Variants in L3MBTL4 observed in about 807,000 individuals in gnomAD.
The protein encoded by L3MBTL4 is lethal(3)malignant brain tumor-like protein 4.
A neutral mutation model predicts 84.5 loss-of-function variants in L3MBTL4; 70 were observed. That is an observed-to-expected ratio of 0.83 (90% CI 0.68 to 1.01). L3MBTL4 has a LOEUF of 1.01. L3MBTL4 is among the 50% of genes least tolerant of loss of function. The pLI, the probability that L3MBTL4 is intolerant of heterozygous loss-of-function variation, is 0.00. For synonymous variants in L3MBTL4, 274 were observed against 259.8 expected, an observed-to-expected ratio of 1.05 and a Z score of -0.52; for missense variants, 715 against 754.8, an observed-to-expected ratio of 0.95 and a Z score of 0.62.
intron 3 of L3MBTL4, among the ~76,000 whole-genome samples, chr18:6,303,313 G>A (rs2050427286): frequency 6.6e-6 from 1 of 152,016 alleles, no homozygotes; most frequent in South Asian, 2.1e-4. Flanking sequence ...TAATGATGGG[G>A]TTTCACTATA....
chr18:6,285,083 C>G (rs1259827432), intron 4 of L3MBTL4, among the ~76,000 whole-genome samples: 1 of 152,342 alleles, frequency 6.6e-6, no homozygotes, highest in African/African-American at 2.4e-5. Flanking sequence ...TGCGGGGCAG[C>G]CTGGTGCGGT....
intron 16 of L3MBTL4, among the ~76,000 whole-genome samples, chr18:5,994,091 A>G (rs1038384504): frequency 1.3e-5 from 2 of 152,134 alleles, no homozygotes; most frequent in Non-Finnish European, 2.9e-5. Flanking sequence ...AATCTGCACC[A>G]TCTACCTCCC....
intron 13 of L3MBTL4, among the ~76,000 whole-genome samples, chr18:6,154,838 A>G (rs1323621601): frequency 6.6e-6 from 1 of 152,202 alleles, no homozygotes; most frequent in African/African-American, 2.4e-5. Flanking sequence ...GTCTGGCATT[A>G]TATACAATTT....
At chr18:6,143,619 T>C (rs2060258703) in intron 13 of L3MBTL4, among the ~76,000 whole-genome samples, 1 of 152,252 alleles carries the variant, frequency 6.6e-6, no homozygotes, top group Non-Finnish European at 1.5e-5. Context: ...TTTGGATATT[T>C]AGACAATTAG....
At chr18:6,093,320 T>G (rs1219703750) in intron 15 of L3MBTL4, 35 bp downstream of exon 15, 3 of 1,541,458 alleles carry the variant, frequency 1.9e-6, no homozygotes, top group Non-Finnish European at 2.6e-6. Flanking sequence ...CTACATGGTT[T>G]ACTTTCTGGC....
chr18:6,281,529 C>T (rs1452423783), intron 4 of L3MBTL4, among the ~76,000 whole-genome samples: 1 of 152,122 alleles, frequency 6.6e-6, no homozygotes, highest in East Asian at 1.9e-4. Context: ...TTACTTGTGG[C>T]AGTAATGTCT....
intron 16 of L3MBTL4, among the ~76,000 whole-genome samples, chr18:5,995,204 T>C (rs2053898079): frequency 6.6e-6 from 1 of 152,240 alleles, no homozygotes; most frequent in Non-Finnish European, 1.5e-5. Context: ...GCAGGGATAC[T>C]GCAAGGTAAA....
At chr18:6,307,482 G>T (rs2050643789) in intron 3 of L3MBTL4, among the ~76,000 whole-genome samples, 1 of 151,632 alleles carries the variant, frequency 6.6e-6, no homozygotes, top group Non-Finnish European at 1.5e-5. Flanking sequence ...AGATTTACCA[G>T]GTTGGATTTA....
chr18:6,093,340 T>C lies in L3MBTL4; in HGVS notation c.1373+15A>G. ...TGGTTTACTTTCTGGCTCACATTTTTAAGAAGTTTCTTACCTGGGCTGACT... is the reference window on the plus strand; with the variant it reads ...TGGTTTACTTTCTGGCTCACATTTTCAAGAAGTTTCTTACCTGGGCTGACT... On this transcript the variant is annotated intron_variant, in intron 15 of 18. Coordinates refer to ENST00000317931, the MANE Select transcript of L3MBTL4 (RefSeq NM_001330559.2). 1.3e-6 allele frequency: 2 copies of C among 1,583,718 alleles called. No individual in the cohort carries two copies. The highest frequency in any genetic ancestry group is 1.4e-5 in the African/African-American group (1 of 73,168).
chr18:6,237,933 A>G (rs751567938), intron 10 of L3MBTL4, 31 bp downstream of exon 10: 1 of 1,561,050 alleles, frequency 6.4e-7, no homozygotes, highest in East Asian at 2.2e-5. Context: ...CACAGAGATG[A>G]CTTCAAAGAA....
At chr18:6,075,685 T>C (rs1043867851) in intron 16 of L3MBTL4, among the ~76,000 whole-genome samples, 5 of 152,170 alleles carry the variant, frequency 3.3e-5, no homozygotes, top group African/African-American at 1.2e-4. Flanking sequence ...ATCTGGAATT[T>C]GCATTCATCA....
At chr18:6,047,593 C>A (rs954438223) in intron 16 of L3MBTL4, among the ~76,000 whole-genome samples, 8 of 152,116 alleles carry the variant, frequency 5.3e-5, no homozygotes, top group African/African-American at 1.9e-4. Context: ...AAGGTTGGTT[C>A]AACAAATGCA....
At chr18:6,356,127 GTCTGTACCTTTTAAAATCCAAAATAAT>G (rs1188303534) in intron 1 of L3MBTL4, among the ~76,000 whole-genome samples, 1 of 152,184 alleles carries the variant, frequency 6.6e-6, no homozygotes, top group Non-Finnish European at 1.5e-5. Context: ...GGCTTTCTGT[GTCTGTACCTTTTAAAATCCAAAATAAT>G]TCTGTAGTAT....
intron 14 of L3MBTL4, among the ~76,000 whole-genome samples, chr18:6,119,359 C>T (rs906089458): frequency 6.6e-6 from 1 of 152,194 alleles, no homozygotes; most frequent in African/African-American, 2.4e-5. Context: ...TAGGCACAGT[C>T]TAACACACAG....
intron 13 of L3MBTL4, among the ~76,000 whole-genome samples, chr18:6,142,953 T>C (rs1021204173): frequency 2.6e-5 from 4 of 152,060 alleles, no homozygotes; most frequent in African/African-American, 7.2e-5. Context: ...AATAAAAGGA[T>C]CTACCAGAAA....
At chr18:6,236,106 T>G (rs181041384) in intron 10 of L3MBTL4, among the ~76,000 whole-genome samples, 2 of 152,066 alleles carry the variant, frequency 1.3e-5, no homozygotes, top group Non-Finnish European at 2.9e-5. Context: ...AAAATTCAGA[T>G]AGAAATGCAA....
At chr18:6,029,281 G>T in intron 16 of L3MBTL4, 1 of 239,288 alleles carries the variant, frequency 4.2e-6, no homozygotes, top group Non-Finnish European at 6.8e-6. Context: ...CCCTGACCCT[G>T]TCTGCCCAGG....
intron 4 of L3MBTL4, among the ~76,000 whole-genome samples, chr18:6,267,516 A>G (rs2090377807): frequency 6.6e-6 from 1 of 152,218 alleles, no homozygotes; most frequent in Non-Finnish European, 1.5e-5. Flanking sequence ...CAACATCCCA[A>G]TTTCCACACA....
chr18:6,392,970 A>T (rs1303712571), intron 1 of L3MBTL4, among the ~76,000 whole-genome samples: 1 of 152,156 alleles, frequency 6.6e-6, no homozygotes, highest in Non-Finnish European at 1.5e-5. Context: ...TACATATCAG[A>T]TACAATGTAT....
Sources: gnomAD v4.1 joint callset for allele counts (sites outside exome capture counted in the v4.1 genomes callset) on GRCh38, gnomAD v4.1.1 for gene constraint, MANE v1.5 for transcripts, NCBI Gene and HGNC (gene_info 2026-07-23, HGNC 2026-07-21) for gene names.